The following SRP19 variants were observed in gnomAD, a reference collection of about 807,000 sequenced individuals.
SRP19 encodes the protein signal recognition particle 19, also known as signal recognition particle 19 kDa protein.
SRP19 carries 11 observed loss-of-function variants against 22.4 expected under a neutral mutation model. The observed-to-expected ratio is 0.49, with a 90% CI of 0.31 to 0.81. The LOEUF (loss-of-function observed/expected upper bound fraction) is 0.81, where lower values mean the gene tolerates loss of function less well. Among genes scored for constraint, SRP19 ranks in the 40% least tolerant of loss-of-function variants. The probability of loss-of-function intolerance (pLI) is 0.05; values close to 1 mark genes in which losing one functional copy is unlikely to be tolerated. For synonymous variants in SRP19, 61 were observed against 57.6 expected (o/e 1.06, Z -0.27); for missense variants, 168 against 175.9 (o/e 0.96, Z 0.25).
At chr5:112,881,487 G>T (rs1177947375) in intron 4 of SRP19, among the ~76,000 whole-genome samples, 1 of 152,114 alleles carries the variant, frequency 6.6e-6, no homozygotes, top group Admixed American at 6.5e-5. Context: ...CCATTCCTCC[G>T]AATGTTTCCT....
intron 4 of SRP19, chr5:112,878,730 C>T: frequency 6.2e-7 from 1 of 1,604,872 alleles, no homozygotes; most frequent in South Asian, 1.1e-5. Flanking sequence ...CCTAATATAA[C>T]ATCAAGCTCC....
chr5:112,878,666 AAT>A, intron 4 of SRP19: 1 of 1,389,112 alleles, frequency 7.2e-7, no homozygotes, highest in Non-Finnish European at 9.8e-7. Context: ...TCCAATCTTT[AAT>A]ATCTCAAAAA....
chr5:112,862,472 C>G, intron 1 of SRP19, 36 bp from the exon 2 acceptor site: 1 of 1,591,136 alleles, frequency 6.3e-7, no homozygotes, highest in Non-Finnish European at 8.6e-7. Context: ...CCTCTTACTG[C>G]TCTAGTGATA....
rs1035768422 is a variant in SRP19 at position 112,864,854 on chromosome 5, A to G, written c.301+122A>G. Reference sequence around the variant, plus strand: ...GCATTCTGAAGATTAATTTAAAGACAGGACTACTGCTCATGGAGAGAAGCA... The same window carrying G: ...GCATTCTGAAGATTAATTTAAAGACGGGACTACTGCTCATGGAGAGAAGCA... On this transcript the variant is annotated intron_variant, in intron 4 of 4. Transcript: ENST00000505459. 1.6e-5 allele frequency: 11 copies of G among 686,276 alleles called. No individual in the cohort carries two copies. The South Asian group carries it at 2.2e-4, about 14-fold the overall frequency. 42.5% of individuals were successfully genotyped at this position (686,276 alleles called of 1,614,324 possible). A position where few individuals can be genotyped will look rare whatever the true frequency, so the allele number is the denominator to read the frequency against.
chr5:112,878,609 C>A, intron 4 of SRP19: 1 of 908,242 alleles, frequency 1.1e-6, no homozygotes, highest in Non-Finnish European at 1.6e-6. Context: ...TAAAGTGCTC[C>A]CTATATATAT....
chr5:112,883,739 A>G (rs951330880), intron 4 of SRP19, among the ~76,000 whole-genome samples: 1 of 152,180 alleles, frequency 6.6e-6, no homozygotes, highest in Non-Finnish European at 1.5e-5. Context: ...TAACAAACAG[A>G]CACCTCAAAC....
At chr5:112,866,411 C>T (rs1460675159) in intron 4 of SRP19, among the ~76,000 whole-genome samples, 1 of 152,170 alleles carries the variant, frequency 6.6e-6, no homozygotes, top group African/African-American at 2.4e-5. Flanking sequence ...CCACTGCGCC[C>T]AGCCAACACA....
chr5:112,892,038 G>C (rs1360953222), exon 5 of SRP19: 1 of 1,457,352 alleles, frequency 6.9e-7, no homozygotes, highest in Non-Finnish European at 9.6e-7. Flanking sequence ...AACAACAGGA[G>C]AAGAAAGAAA....
At chr5:112,886,766 A>G (rs1317071105) in intron 4 of SRP19, among the ~76,000 whole-genome samples, 1 of 152,210 alleles carries the variant, frequency 6.6e-6, no homozygotes, top group Non-Finnish European at 1.5e-5. Flanking sequence ...GCTGCCTACC[A>G]AGGAAAGTCA....
chr5:112,893,094 T>TAA (rs552226372), downstream of SRP19: 1,627 of 498,942 alleles, frequency 3.3e-3, no homozygotes, highest in South Asian at 6.8e-3. Context: ...GTTTTGTTCT[T>TAA]AAAAAAAAAA....
At chr5:112,886,192 TCA>T (rs1357059431) in intron 4 of SRP19, among the ~76,000 whole-genome samples, 2 of 152,348 alleles carry the variant, frequency 1.3e-5, no homozygotes, top group Non-Finnish European at 2.9e-5. Flanking sequence ...ATTCAAAACG[TCA>T]CAGAGTGTAC....
At chr5:112,878,836 C>CTGTT (rs757695211) in intron 4 of SRP19, 26 of 1,613,832 alleles carry the variant, frequency 1.6e-5, no homozygotes, top group Admixed American at 8.3e-5. Flanking sequence ...GCTTTCTTCG[C>CTGTT]TGTTTGTTTG....
At chr5:112,884,283 C>T (rs757048059) in intron 4 of SRP19, among the ~76,000 whole-genome samples, 26 of 152,188 alleles carry the variant, frequency 1.7e-4, no homozygotes, top group Admixed American at 1.1e-3. Flanking sequence ...TCTCCTCCTG[C>T]ACCCCTCTAG....
At chr5:112,875,837 G>C (rs1433182157) in intron 4 of SRP19, among the ~76,000 whole-genome samples, 1 of 151,820 alleles carries the variant, frequency 6.6e-6, no homozygotes, top group Admixed American at 6.6e-5. Flanking sequence ...ATGAGGTCAG[G>C]AGATCGAGAC....
chr5:112,864,383 A>C, intron 2 of SRP19, 74 bp from the exon 3 acceptor site: 1 of 1,286,784 alleles, frequency 7.8e-7, no homozygotes, highest in Non-Finnish European at 1.1e-6. Flanking sequence ...TAGTATTTGA[A>C]ATTATTTACC....
chr5:112,887,748 A>G (rs913980267), intron 4 of SRP19, among the ~76,000 whole-genome samples: 3 of 152,112 alleles, frequency 2.0e-5, no homozygotes, highest in African/African-American at 7.2e-5. Context: ...GAATGTAGTT[A>G]TTATTCCTAA....
intron 1 of SRP19, 149 bp from the exon 2 acceptor site, chr5:112,862,359 A>G (rs549450649): frequency 4.6e-5 from 32 of 689,094 alleles, no homozygotes; most frequent in Non-Finnish European, 7.1e-5. Context: ...TGATTTTTCA[A>G]CTGCCACGCA....
intron 4 of SRP19, among the ~76,000 whole-genome samples, chr5:112,889,971 C>T (rs1295589735): frequency 6.7e-6 from 1 of 150,168 alleles, no homozygotes; most frequent in Non-Finnish European, 1.5e-5. Context: ...GGACTGCAGG[C>T]AAACACCACC....
chr5:112,893,094 T>TAAAAA (rs552226372), downstream of SRP19: 35 of 501,476 alleles, frequency 7.0e-5, no homozygotes, highest in Non-Finnish European at 8.2e-5. Context: ...GTTTTGTTCT[T>TAAAAA]AAAAAAAAAA....
Sources: gnomAD v4.1 joint callset for allele counts (sites outside exome capture counted in the v4.1 genomes callset) on GRCh38, gnomAD v4.1.1 for gene constraint, MANE v1.5 for transcripts, NCBI Gene and HGNC (gene_info 2026-07-23, HGNC 2026-07-21) for gene names.